Variants in ARRDC2 observed in about 807,000 individuals in gnomAD.
ARRDC2 encodes arrestin domain-containing protein 2.
ARRDC2 carries 39 observed loss-of-function variants against 38.9 expected under a neutral mutation model. The observed-to-expected ratio is 1.00, with a 90% CI of 0.78 to 1.31. The LOEUF (loss-of-function observed/expected upper bound fraction) is 1.31. ARRDC2 is among the 50% of genes most tolerant of loss of function. The probability of loss-of-function intolerance (pLI) is 0.00; values close to 1 mark genes in which losing one functional copy is unlikely to be tolerated. For synonymous variants in ARRDC2, 300 were observed against 261.9 expected (o/e 1.15, Z -1.41); for missense variants, 553 against 588.4 (o/e 0.94, Z 0.62).
chr19:18,009,747 G>T, intron 4 of ARRDC2, 36 bp from the exon 5 acceptor site: 2 of 1,612,842 alleles, frequency 1.2e-6, no homozygotes, highest in Middle Eastern at 3.3e-4. Flanking sequence ...GGGGTTGCAG[G>T]AGGGGAAACT....
chr19:18,003,568 C>T (rs1402900573), upstream of ARRDC2, among the ~76,000 whole-genome samples: 8 of 152,164 alleles, frequency 5.3e-5, no homozygotes, highest in Non-Finnish European at 1.0e-4. Context: ...TCCAGTGATT[C>T]TCCTGCCTCA....
At chr19:18,005,028 T>G (rs954281011), upstream of ARRDC2, among the ~76,000 whole-genome samples, 9 of 147,982 alleles carry the variant, frequency 6.1e-5, no homozygotes, top group South Asian at 1.9e-3. Flanking sequence ...TTTTTTTTTT[T>G]AATTGATCAT....
At chr19:18,012,614 T>G (rs1401228034) in intron 7 of ARRDC2, among the ~76,000 whole-genome samples, 1 of 152,024 alleles carries the variant, frequency 6.6e-6, no homozygotes, top group Non-Finnish European at 1.5e-5. Context: ...AAAAATAAAG[T>G]ACACAGGAGG....
Position 18,009,997 on chromosome 19 carries a change from C to G in ARRDC2, c.807C>G (p.Ser269=). 1 of 1,601,354 alleles carries G rather than the reference C, an allele frequency of 6.2e-7. No individual in the cohort carries two copies. Among genetic ancestry groups the G allele is most frequent in the East Asian group, 2.2e-5 (1 of 44,788 alleles). ...TGCGGATCCCCCCAGTGGGTCCTTC[C>G]ATCCTGCACTGCCGCGTTCTACACG... ...RALRIPPVGP[S]ILHCRVLHVD... Residue 269 remains serine, a synonymous_variant, in exon 5 of 8, where the codon TCC becomes TCG. Transcript: ENST00000222250.
chr19:18,012,329 G>A (rs2033431396), intron 7 of ARRDC2, among the ~76,000 whole-genome samples: 1 of 151,194 alleles, frequency 6.6e-6, no homozygotes, highest in Non-Finnish European at 1.5e-5. Flanking sequence ...GCTCATGCCT[G>A]TAATCCCAGC....
chr19:18,006,445 C>G (rs563223806), upstream of ARRDC2, among the ~76,000 whole-genome samples: 1 of 152,194 alleles, frequency 6.6e-6, no homozygotes, highest in Admixed American at 6.5e-5. Flanking sequence ...GCCAACACAG[C>G]GAAACCCCTT....
chr19:18,003,090 A>C (rs1321713112), intron 1 of ARRDC2, among the ~76,000 whole-genome samples: 1 of 151,890 alleles, frequency 6.6e-6, no homozygotes, highest in Non-Finnish European at 1.5e-5. Context: ...ACAGAGCGAA[A>C]CTCCGTCTCA....
At position 18,010,670 on chromosome 19, in the gene ARRDC2, G is replaced by A. The variant is rs529123902; in HGVS notation, c.1111G>A (p.Gly371Ser). 3 of 1,613,896 alleles carry A rather than the reference G, an allele frequency of 1.9e-6. No individual in the cohort carries two copies. The African/African-American group carries it at 4.0e-5, about 22-fold the overall frequency. ...LPQDPDMSLE[G>S]PFFAYIQEFR... ...GCAGGACCCCGACATGAGCCTTGAA[G>A]GCCCGTTCTTCGCCTACATCCAAGA... Residue 371 changes from glycine to serine, a missense_variant, in exon 7 of 8, where the codon GGC becomes AGC. Physicochemically the swap from Gly to Ser is moderately conservative, Grantham distance 56. Transcript: ENST00000222250.
At chr19:18,011,604 G>A (rs2033413398) in intron 7 of ARRDC2, among the ~76,000 whole-genome samples, 1 of 152,050 alleles carries the variant, frequency 6.6e-6, no homozygotes, top group Non-Finnish European at 1.5e-5. Context: ...GGTGGCTCAT[G>A]CCTGTAATCC....
At chr19:18,012,491 G>A (rs113423464) in intron 7 of ARRDC2, among the ~76,000 whole-genome samples, 9,903 of 152,132 alleles carry the variant, frequency 0.065, 463 homozygotes, top group African/African-American at 0.11. Context: ...CGAGGCTGAG[G>A]CAGGAGAATC....
upstream of ARRDC2, chr19:18,008,116 A>AGCCCCCCCCCCC: frequency 1.9e-6 from 1 of 522,500 alleles, no homozygotes; most frequent in Non-Finnish European, 2.9e-6. Context: ...AGAGACGGTG[A>AGCCCCCCCCCCC]CCCCACCCCC....
At chr19:18,004,406 C>A (rs1468172754), upstream of ARRDC2, among the ~76,000 whole-genome samples, 5 of 150,552 alleles carry the variant, frequency 3.3e-5, no homozygotes, top group Non-Finnish European at 7.4e-5. Context: ...CGCCACCACA[C>A]CCGGTAAATT....
intron 7 of ARRDC2, among the ~76,000 whole-genome samples, chr19:18,011,952 A>G (rs374450687): frequency 9.9e-6 from 1 of 100,780 alleles, no homozygotes; most frequent in Non-Finnish European, 1.8e-5. Context: ...ATATATATAT[A>G]TTTTTTTTTT....
chr19:18,008,599 C>T lies in ARRDC2; in HGVS notation c.274+15C>T. 1 of 1,593,982 alleles carries T rather than the reference C, an allele frequency of 6.3e-7. No homozygotes were observed. Among genetic ancestry groups the T allele is most frequent in the Non-Finnish European group, 8.5e-7 (1 of 1,176,810 alleles). ...CCTGGCGCCAGGTACGGATGGAGGA[C>T]CCCTGCTCCAACACCAGTTGTGTGC... On this transcript the variant is annotated intron_variant, in intron 1 of 7. Coordinates refer to ENST00000222250, the MANE Select transcript of ARRDC2 (RefSeq NM_015683.2).
At chr19:18,012,300 G>T (rs1045918654) in intron 7 of ARRDC2, among the ~76,000 whole-genome samples, 1 of 151,786 alleles carries the variant, frequency 6.6e-6, no homozygotes, top group East Asian at 2.0e-4. Context: ...TAAAGTACAC[G>T]GGAGGGCTGG....
At chr19:18,008,116 A>AGGGGG, upstream of ARRDC2, 24 of 522,484 alleles carry the variant, frequency 4.6e-5, 1 homozygote, top group Non-Finnish European at 6.4e-5. Context: ...AGAGACGGTG[A>AGGGGG]CCCCACCCCC....
intron 7 of ARRDC2, among the ~76,000 whole-genome samples, chr19:18,011,946 A>ATTTTTT: frequency 1.9e-5 from 1 of 52,902 alleles, no homozygotes; most frequent in African/African-American, 7.5e-5. Flanking sequence ...ATATATATAT[A>ATTTTTT]TATATATTTT....
upstream of ARRDC2, among the ~76,000 whole-genome samples, chr19:18,006,022 G>A (rs1283771624): frequency 1.3e-5 from 2 of 150,752 alleles, no homozygotes; most frequent in African/African-American, 4.9e-5. Flanking sequence ...CCACATCTCA[G>A]ACGATGGGCG....
chr19:18,009,202 A>C, intron 3 of ARRDC2, 84 bp downstream of exon 3: 1 of 1,499,212 alleles, frequency 6.7e-7, no homozygotes, highest in South Asian at 1.2e-5. Context: ...AACCAATAAG[A>C]TGGAGGTCAT....
Sources: allele counts gnomAD v4.1 joint callset (sites outside exome capture counted in the v4.1 genomes callset), GRCh38; gene constraint gnomAD v4.1.1; transcripts MANE v1.5; gene names NCBI Gene and HGNC (gene_info 2026-07-23, HGNC 2026-07-21).